PIP4K2A: variants seen among roughly 807,000 people sequenced by gnomAD.
PIP4K2A encodes phosphatidylinositol 5-phosphate 4-kinase type-2 alpha.
A neutral mutation model predicts 42.9 loss-of-function variants in PIP4K2A; 14 were observed. That is an observed-to-expected ratio of 0.33 (90% CI 0.22 to 0.51). The LOEUF is 0.51. Ranked by LOEUF, PIP4K2A falls within the 20% of genes least tolerant of loss-of-function variation. The pLI is 0.97. For missense variants in PIP4K2A, 434 were observed against 519.8 expected (o/e 0.83, Z 1.61); for synonymous variants, 192 against 192.2 (o/e 1.00, Z 0.01).
At chr10:22,696,778 C>T (rs1325874313) in intron 1 of PIP4K2A, among the ~76,000 whole-genome samples, 2 of 152,074 alleles carry the variant, frequency 1.3e-5, no homozygotes, top group African/African-American at 2.4e-5. Flanking sequence ...GAATAATTCT[C>T]TATTAGGTAA....
chr10:22,620,038 G>C (rs1838285694), intron 1 of PIP4K2A, among the ~76,000 whole-genome samples: 2 of 152,278 alleles, frequency 1.3e-5, no homozygotes, highest in South Asian at 4.1e-4. Flanking sequence ...TCAATCTTTT[G>C]ATTAATGGCT....
chr10:22,599,359 C>T (rs1489539565), intron 3 of PIP4K2A, among the ~76,000 whole-genome samples: 1 of 152,234 alleles, frequency 6.6e-6, no homozygotes. Flanking sequence ...TGATCTTTGT[C>T]TCTATATATC....
chr10:22,574,660 G>A (rs1411625419), intron 4 of PIP4K2A, among the ~76,000 whole-genome samples: 1 of 152,152 alleles, frequency 6.6e-6, no homozygotes, highest in African/African-American at 2.4e-5. Context: ...AAGTTTTAAA[G>A]ATGCCTCTTC....
intron 1 of PIP4K2A, among the ~76,000 whole-genome samples, chr10:22,675,933 A>C (rs1450771961): frequency 6.6e-6 from 1 of 152,218 alleles, no homozygotes; most frequent in Admixed American, 6.5e-5. Flanking sequence ...CTATTCCTTA[A>C]ATACTTTGGA....
chr10:22,687,563 G>A (rs181672254), intron 1 of PIP4K2A, among the ~76,000 whole-genome samples: 45 of 151,446 alleles, frequency 3.0e-4, no homozygotes, highest in Middle Eastern at 3.4e-3. Flanking sequence ...ACACACACAC[G>A]CATACACATG....
At chr10:22,672,732 C>T (rs1174190557) in intron 1 of PIP4K2A, among the ~76,000 whole-genome samples, 1 of 152,152 alleles carries the variant, frequency 6.6e-6, no homozygotes, top group Non-Finnish European at 1.5e-5. Flanking sequence ...GAGAAAAAGA[C>T]CAACAGATAC....
At chr10:22,699,586 G>A (rs1833671943) in intron 1 of PIP4K2A, among the ~76,000 whole-genome samples, 1 of 151,990 alleles carries the variant, frequency 6.6e-6, no homozygotes, top group Non-Finnish European at 1.5e-5. Context: ...TGTTCTGCTT[G>A]TTTAGAGCAG....
chr10:22,615,709 T>C (rs1838163515), intron 1 of PIP4K2A, among the ~76,000 whole-genome samples: 1 of 152,168 alleles, frequency 6.6e-6, no homozygotes, highest in Non-Finnish European at 1.5e-5. Context: ...TTCCTTCAGG[T>C]TGCAAATATT....
chr10:22,626,662 G>A (rs569091795), intron 1 of PIP4K2A, among the ~76,000 whole-genome samples: 7 of 152,142 alleles, frequency 4.6e-5, no homozygotes, highest in Non-Finnish European at 7.4e-5. Context: ...ATCACTTCCC[G>A]GTATAGATAC....
intron 1 of PIP4K2A, among the ~76,000 whole-genome samples, chr10:22,633,962 C>T (rs1029575130): frequency 3.3e-5 from 5 of 152,242 alleles, no homozygotes; most frequent in African/African-American, 1.2e-4. Flanking sequence ...AGGCACTTCA[C>T]TGTCATTGTC....
rs892228824 is a variant in PIP4K2A, at chr10:22,616,763, C to T, written c.145-7046G>A. On this transcript the variant is annotated intron_variant, in intron 1 of 9. Transcript: ENST00000376573. ...AAATACACACTTAACTGAATATGTA[C>T]CATGGGCTACTACAATTACACCAGC... 3.9e-5 allele frequency among the ~76,000 whole-genome samples: 6 copies of T among 152,068 alleles called. No homozygotes were observed. The East Asian group carries it at 1.2e-3, about 29-fold the overall frequency.
chr10:22,632,551 T>G (rs888517870), intron 1 of PIP4K2A, among the ~76,000 whole-genome samples: 3 of 152,328 alleles, frequency 2.0e-5, no homozygotes, highest in Admixed American at 2.0e-4. Context: ...TACAATTAAT[T>G]GGAGTATTTC....
intron 1 of PIP4K2A, among the ~76,000 whole-genome samples, chr10:22,642,786 A>T (rs1838807612): frequency 6.6e-6 from 1 of 152,172 alleles, no homozygotes; most frequent in Admixed American, 6.5e-5. Context: ...TCTGTGGTCC[A>T]GGTAAGAGAA....
At chr10:22,627,018 A>G (rs201753764) in intron 1 of PIP4K2A, among the ~76,000 whole-genome samples, 1 of 152,200 alleles carries the variant, frequency 6.6e-6, no homozygotes, top group East Asian at 1.9e-4. Context: ...TTGCCATCAC[A>G]TGAGTTTTGC....
chr10:22,625,844 A>G (rs1838425254), intron 1 of PIP4K2A, among the ~76,000 whole-genome samples: 1 of 152,240 alleles, frequency 6.6e-6, no homozygotes, highest in Non-Finnish European at 1.5e-5. Flanking sequence ...ACACTGAAAT[A>G]AGATTATTCT....
chr10:22,667,688 A>G (rs1839374014), intron 1 of PIP4K2A, among the ~76,000 whole-genome samples: 1 of 152,212 alleles, frequency 6.6e-6, no homozygotes, highest in Admixed American at 6.5e-5. Flanking sequence ...TTTATTTTTT[A>G]ACTAGAAAAT....
chr10:22,601,048 G>A (rs1194150857), intron 3 of PIP4K2A, among the ~76,000 whole-genome samples: 1 of 139,314 alleles, frequency 7.2e-6, no homozygotes, highest in African/African-American at 2.6e-5. Flanking sequence ...AGTGCCATGA[G>A]ATCATCTTCT....
chr10:22,662,429 T>C (rs1040073912), intron 1 of PIP4K2A, among the ~76,000 whole-genome samples: 5 of 152,250 alleles, frequency 3.3e-5, no homozygotes, highest in African/African-American at 9.6e-5. Context: ...ATTTCTGAAA[T>C]GTTGTGCTGT....
chr10:22,662,933 C>T (rs755196780), intron 1 of PIP4K2A, among the ~76,000 whole-genome samples: 1 of 152,224 alleles, frequency 6.6e-6, no homozygotes, highest in African/African-American at 2.4e-5. Context: ...CAATGCAGCC[C>T]CCACGCAGTT....
Sources: allele counts gnomAD v4.1 joint callset (sites outside exome capture counted in the v4.1 genomes callset), GRCh38; gene constraint gnomAD v4.1.1; transcripts MANE v1.5; gene names NCBI Gene and HGNC (gene_info 2026-07-23, HGNC 2026-07-21).